The following POLR2F variants were observed in gnomAD, a reference collection of about 807,000 sequenced individuals.
The protein encoded by POLR2F is RNA polymerase II, I and III subunit F.
In POLR2F, 12 loss-of-function variants were observed where a neutral mutation model predicts 22.7. The observed-to-expected ratio is 0.53, with a 90% CI of 0.34 to 0.86. The LOEUF (loss-of-function observed/expected upper bound fraction) is 0.86. Among genes scored for constraint, POLR2F ranks in the 40% least tolerant of loss-of-function variants. The pLI is 0.02. For synonymous variants in POLR2F, 57 were observed against 66.0 expected, an observed-to-expected ratio of 0.86 and a Z score of 0.66; for missense variants, 126 against 171.5, an observed-to-expected ratio of 0.73 and a Z score of 1.48.
chr22:38,041,408 G>C (rs146048195), downstream of POLR2F: 1 of 404,058 alleles, frequency 2.5e-6, no homozygotes, highest in Non-Finnish European at 4.5e-6. Context: ...GGATCCAGGC[G>C]GGGGATGGAG....
At chr22:38,022,477 G>T (rs2084967952) in intron 1 of POLR2F, among the ~76,000 whole-genome samples, 1 of 150,924 alleles carries the variant, frequency 6.6e-6, no homozygotes, top group Non-Finnish European at 1.5e-5. Flanking sequence ...CTTGAACCCA[G>T]GAGGCAGAGG....
chr22:38,005,722 T>C (rs548570031), intron 1 of POLR2F, among the ~76,000 whole-genome samples: 46 of 152,370 alleles, frequency 3.0e-4, no homozygotes, highest in Non-Finnish European at 5.9e-4. Flanking sequence ...CAGTACCCTC[T>C]GAGCGAGGTC....
At chr22:38,009,437 G>T (rs1397830870) in intron 1 of POLR2F, among the ~76,000 whole-genome samples, 1 of 152,220 alleles carries the variant, frequency 6.6e-6, no homozygotes, top group Non-Finnish European at 1.5e-5. Context: ...GGCCACAGTG[G>T]CAGTGGTGAG....
chr22:37,965,256 C>T (rs1313255237), intron 3 of POLR2F, among the ~76,000 whole-genome samples: 1 of 152,208 alleles, frequency 6.6e-6, no homozygotes, highest in Admixed American at 6.5e-5. Flanking sequence ...ATTCACCTGT[C>T]TCAGCCTCCC....
chr22:37,999,314 G>A (rs777979241), intron 1 of POLR2F, among the ~76,000 whole-genome samples: 2 of 152,172 alleles, frequency 1.3e-5, no homozygotes, highest in Non-Finnish European at 1.5e-5. Context: ...GTGGCTGCAG[G>A]CACCTTTGGC....
At chr22:38,025,499 C>G (rs1412101911) in intron 1 of POLR2F, 2 of 1,420,082 alleles carry the variant, frequency 1.4e-6, no homozygotes, top group Non-Finnish European at 1.8e-6. Flanking sequence ...TTCACACTCA[C>G]AGTCCCAACA....
rs1483405560 is a variant in POLR2F, at chr22:37,980,108, G to A, written c.293+12938G>A. On this transcript the variant is annotated intron_variant, in intron 4 of 4. Transcript: ENST00000405557. The surrounding 1 kb of genome is among the most constrained non-coding windows in gnomAD (Gnocchi z 4.1). Reference sequence around the variant, plus strand: ...GCTTTCTCAGAGGGTCCCTCCAGCCGAGACTCTGTCAGAGTCAGTGTACAC... The same window carrying A: ...GCTTTCTCAGAGGGTCCCTCCAGCCAAGACTCTGTCAGAGTCAGTGTACAC... 2.0e-5 allele frequency among the ~76,000 whole-genome samples: 3 copies of A among 152,066 alleles called. No individual in the cohort carries two copies. Among genetic ancestry groups the A allele is most frequent in the Non-Finnish European group, 2.9e-5 (2 of 68,012 alleles).
intron 1 of POLR2F, chr22:38,025,839 C>T (rs766399269): frequency 7.9e-7 from 1 of 1,264,632 alleles, no homozygotes. Context: ...ATGTATGAAA[C>T]TCACTTCACC....
intron 2 of POLR2F, among the ~76,000 whole-genome samples, chr22:37,958,921 G>A (rs368388959): frequency 1.2e-4 from 18 of 152,226 alleles, no homozygotes; most frequent in East Asian, 3.9e-4. Context: ...TAGCCACTTG[G>A]CCCATTGGCT....
At chr22:37,983,710 CG>C, upstream of POLR2F, 2 of 1,501,612 alleles carry the variant, frequency 1.3e-6, no homozygotes, top group African/African-American at 1.4e-5. The surrounding 1 kb of genome is among the most constrained non-coding windows in gnomAD (Gnocchi z 9.5). Flanking sequence ...GCGCGCTCCC[CG>C]GGGACAGGCA....
At chr22:38,014,815 T>A (rs1428630350) in intron 1 of POLR2F, among the ~76,000 whole-genome samples, 2 of 146,022 alleles carry the variant, frequency 1.4e-5, no homozygotes, top group Non-Finnish European at 3.0e-5. Context: ...TATTTTTTTT[T>A]TTTTTTTTTT....
downstream of POLR2F, among the ~76,000 whole-genome samples, chr22:38,029,370 G>C (rs1229780266): frequency 6.6e-6 from 1 of 152,206 alleles, no homozygotes; most frequent in African/African-American, 2.4e-5. Context: ...TCCTAAGCTT[G>C]TTGGGCACCA....
rs1043042074 is a variant in POLR2F at position 37,978,515 on chromosome 22, C to G, written c.293+11345C>G. Among the ~76,000 whole-genome samples, 1 of 152,202 alleles carries G rather than the reference C, an allele frequency of 6.6e-6. No homozygotes were observed. The highest frequency in any genetic ancestry group is 2.1e-4 in the South Asian group (1 of 4,830). ...AGCTGTCTGCAAGTGGAATTGGCTA[C>G]TTCAGTGGGGGTGAGCTCCCTGGGA... On this transcript the variant is annotated intron_variant, in intron 4 of 4. Transcript: ENST00000405557. This position sits in a 1 kb window ranked among gnomAD's most constrained non-coding sequence, Gnocchi z 5.0.
At chr22:37,973,945 G>A, downstream of POLR2F, 1 of 1,610,718 alleles carries the variant, frequency 6.2e-7, no homozygotes, top group Non-Finnish European at 8.5e-7. Flanking sequence ...CCAGCCCATA[G>A]CCGGCTGCTG....
intron 4 of POLR2F, 24 bp downstream of exon 4, chr22:37,967,194 A>G (rs1931889106): frequency 1.2e-6 from 2 of 1,608,812 alleles, no homozygotes; most frequent in Non-Finnish European, 1.7e-6. Context: ...ATCATGGTTC[A>G]CTTCTCCAAA....
At chr22:37,992,086 T>C (rs1433562036) in intron 1 of POLR2F, among the ~76,000 whole-genome samples, 1 of 152,226 alleles carries the variant, frequency 6.6e-6, no homozygotes, top group Non-Finnish European at 1.5e-5. Context: ...TCCTTCCACC[T>C]CACCCTCCTG....
chr22:37,998,279 C>T (rs926886390), intron 1 of POLR2F, among the ~76,000 whole-genome samples: 4 of 152,240 alleles, frequency 2.6e-5, no homozygotes, highest in African/African-American at 9.6e-5. Context: ...GAGACCTGCC[C>T]TGACAGGTGG....
At chr22:37,971,036 C>T (rs1165876321), downstream of POLR2F, 1 of 334,228 alleles carries the variant, frequency 3.0e-6, no homozygotes, top group East Asian at 8.1e-5. Flanking sequence ...ACCCTGGGGA[C>T]TGGGCTACTT....
At chr22:37,994,338 A>C (rs2084691178) in intron 1 of POLR2F, among the ~76,000 whole-genome samples, 1 of 152,054 alleles carries the variant, frequency 6.6e-6, no homozygotes, top group African/African-American at 2.4e-5. Context: ...CACTGTGAGC[A>C]GGTGTTATTT....
Sources: gnomAD v4.1 joint callset for allele counts (sites outside exome capture counted in the v4.1 genomes callset) on GRCh38, gnomAD v4.1.1 for gene constraint, Gnocchi (gnomAD v3.1) non-coding constraint, MANE v1.5 for transcripts, NCBI Gene and HGNC (gene_info 2026-07-23, HGNC 2026-07-21) for gene names.